SHANK2: variants seen among roughly 807,000 people sequenced by gnomAD.
SHANK2 encodes the protein SH3 and multiple ankyrin repeat domains protein 2.
SHANK2 carries 43 observed loss-of-function variants against 133.7 expected under a neutral mutation model. That is an observed-to-expected ratio of 0.32 (90% confidence interval 0.25 to 0.41). The LOEUF (loss-of-function observed/expected upper bound fraction) is 0.41, where lower values mean the gene tolerates loss of function less well. Ranked by LOEUF, SHANK2 falls within the 10% of genes least tolerant of loss-of-function variation. The probability of loss-of-function intolerance (pLI) is 1.00; values close to 1 mark genes in which losing one functional copy is unlikely to be tolerated. For synonymous variants in SHANK2, 1,017 were observed against 952.8 expected (o/e 1.07, Z -1.24); for missense variants, 1,994 against 2,235.8 (o/e 0.89, Z 2.18).
intron 11 of SHANK2, among the ~76,000 whole-genome samples, chr11:70,875,842 T>G (rs1949552114): frequency 1.4e-5 from 2 of 139,840 alleles, no homozygotes; most frequent in African/African-American, 5.6e-5. Context: ...GGTGACAGAG[T>G]GAGACACTGT....
chr11:71,204,031 C>A (rs782099657), intron 2 of SHANK2, among the ~76,000 whole-genome samples: 1 of 152,142 alleles, frequency 6.6e-6, no homozygotes, highest in African/African-American at 2.4e-5. Context: ...TGTGATGAAC[C>A]CTGCCTGTCG....
intron 2 of SHANK2, among the ~76,000 whole-genome samples, chr11:71,177,191 G>A (rs1322962045): frequency 6.6e-6 from 1 of 152,048 alleles, no homozygotes; most frequent in African/African-American, 2.4e-5. Flanking sequence ...AATTCTTGAG[G>A]CAGAAGAAAA....
chr11:70,766,864 G>T (rs575195694), intron 14 of SHANK2, among the ~76,000 whole-genome samples: 1 of 152,224 alleles, frequency 6.6e-6, no homozygotes, highest in African/African-American at 2.4e-5. Flanking sequence ...CATACAAAAT[G>T]ACAAGCAATT....
chr11:70,506,072 G>T (rs1397833420), intron 17 of SHANK2, among the ~76,000 whole-genome samples: 9 of 152,194 alleles, frequency 5.9e-5, no homozygotes, highest in Admixed American at 5.9e-4. Flanking sequence ...TTCTGGGCAG[G>T]GGAGGCAAAG....
At chr11:70,906,231 G>A (rs1436489585) in intron 10 of SHANK2, among the ~76,000 whole-genome samples, 1 of 152,208 alleles carries the variant, frequency 6.6e-6, no homozygotes, top group East Asian at 1.9e-4. Flanking sequence ...TCCTGCTCAG[G>A]GCTGGGACAT....
At chr11:70,933,788 C>T (rs888693939) in intron 10 of SHANK2, among the ~76,000 whole-genome samples, 5 of 151,518 alleles carry the variant, frequency 3.3e-5, no homozygotes, top group Admixed American at 6.6e-5. Context: ...GGCATGGTGG[C>T]GCACACCTAT....
chr11:71,104,619 A>G (rs868954697), intron 6 of SHANK2, among the ~76,000 whole-genome samples: 2 of 152,058 alleles, frequency 1.3e-5, no homozygotes, highest in South Asian at 2.1e-4. Flanking sequence ...TGCTGGAATT[A>G]CCCGCAGCTT....
intron 14 of SHANK2, among the ~76,000 whole-genome samples, chr11:70,767,788 C>G (rs1004527581): frequency 2.0e-5 from 3 of 152,006 alleles, no homozygotes; most frequent in Non-Finnish European, 4.4e-5. Flanking sequence ...ATTCACAACT[C>G]CAGGAGTATC....
intron 9 of SHANK2, among the ~76,000 whole-genome samples, chr11:71,069,282 C>G (rs1212167673): frequency 1.3e-5 from 2 of 152,104 alleles, no homozygotes; most frequent in East Asian, 1.9e-4. Flanking sequence ...ACCATCAGCA[C>G]CATCATCATC....
chr11:70,643,204 T>C (rs976247030), intron 17 of SHANK2, among the ~76,000 whole-genome samples: 13 of 152,226 alleles, frequency 8.5e-5, no homozygotes, highest in Non-Finnish European at 1.8e-4. Flanking sequence ...AACTTTTGCA[T>C]AACATTTATG....
intron 17 of SHANK2, among the ~76,000 whole-genome samples, chr11:70,651,190 A>G (rs1283584599): frequency 2.0e-5 from 3 of 152,180 alleles, no homozygotes; most frequent in African/African-American, 7.2e-5. Context: ...GTCCCATGGC[A>G]TCTGAGCACA....
chr11:70,550,478 C>T (rs2059750372), intron 17 of SHANK2, among the ~76,000 whole-genome samples: 1 of 152,162 alleles, frequency 6.6e-6, no homozygotes, highest in Non-Finnish European at 1.5e-5. Context: ...TCTCACTATA[C>T]CAGGGTCTTT....
At chr11:71,145,616 G>A (rs762866325) in intron 3 of SHANK2, among the ~76,000 whole-genome samples, 1 of 152,202 alleles carries the variant, frequency 6.6e-6, no homozygotes, top group Non-Finnish European at 1.5e-5. Context: ...AGCCCTCGCT[G>A]GGGACCAAGC....
At chr11:71,135,722 C>T (rs547970043) in intron 3 of SHANK2, among the ~76,000 whole-genome samples, 12 of 152,222 alleles carry the variant, frequency 7.9e-5, no homozygotes, top group African/African-American at 2.4e-4. Flanking sequence ...TCCCAAAGTG[C>T]TGGGATTACA....
chr11:70,859,012 T>G (rs1555067315), intron 11 of SHANK2, among the ~76,000 whole-genome samples: 1 of 152,248 alleles, frequency 6.6e-6, no homozygotes, highest in African/African-American at 2.4e-5. Flanking sequence ...AGCACTGGTG[T>G]TGGGCCTAGA....
intron 2 of SHANK2, among the ~76,000 whole-genome samples, chr11:71,204,492 C>A (rs782417122): frequency 3.2e-4 from 48 of 152,284 alleles, no homozygotes; most frequent in Non-Finnish European, 6.2e-4. Context: ...GGAAGAGGCA[C>A]CACAGGGTGC....
chr11:70,727,350 T>C (rs555148757), intron 14 of SHANK2, among the ~76,000 whole-genome samples: 2 of 152,310 alleles, frequency 1.3e-5, no homozygotes, highest in South Asian at 4.1e-4. Flanking sequence ...TATGAACTGC[T>C]ATATTTGGGG....
intron 3 of SHANK2, among the ~76,000 whole-genome samples, chr11:71,128,018 T>C (rs1282034901): frequency 3.3e-5 from 5 of 152,204 alleles, no homozygotes; most frequent in Admixed American, 6.5e-5. Flanking sequence ...GGTCTCACGA[T>C]GTCATCTCCC....
At chr11:70,752,563 G>T (rs75656658) in intron 14 of SHANK2, among the ~76,000 whole-genome samples, 1 of 152,046 alleles carries the variant, frequency 6.6e-6, no homozygotes, top group Admixed American at 6.5e-5. Context: ...AAAGTTAGCC[G>T]GGCGAAGTGG....
Sources: allele counts gnomAD v4.1 joint callset (sites outside exome capture counted in the v4.1 genomes callset), GRCh38; gene constraint gnomAD v4.1.1; transcripts MANE v1.5; gene names NCBI Gene and HGNC (gene_info 2026-07-23, HGNC 2026-07-21).